Variants in CD2 observed in about 807,000 individuals in gnomAD.
CD2 encodes T-cell surface antigen CD2.
Under a neutral mutation model 23.2 loss-of-function variants are expected in CD2, and 18 were observed. The ratio of observed to expected loss-of-function variants is 0.77; its 90% CI spans 0.54 to 1.15. The LOEUF is 1.15. Among genes scored for constraint, CD2 ranks in the 50% most tolerant of loss-of-function variants. The pLI, the probability that CD2 is intolerant of heterozygous loss-of-function variation, is 0.00. For missense variants in CD2, 424 were observed against 423.1 expected, an observed-to-expected ratio of 1.00 and a Z score of -0.02; for synonymous variants, 162 against 151.9, an observed-to-expected ratio of 1.07 and a Z score of -0.49.
At chr1:116,765,717 C>T (rs909895528) in intron 4 of CD2, among the ~76,000 whole-genome samples, 2 of 152,218 alleles carry the variant, frequency 1.3e-5, no homozygotes, top group Admixed American at 6.5e-5. Context: ...TCTGGCTGTT[C>T]TCCATGCTCC....
chr1:116,767,452 G>A (rs1024386501), intron 4 of CD2, among the ~76,000 whole-genome samples: 4 of 152,034 alleles, frequency 2.6e-5, no homozygotes, highest in Non-Finnish European at 2.9e-5. Flanking sequence ...TTAGCCGGGC[G>A]TGGTGGTGAA....
chr1:116,760,330 C>A, intron 2 of CD2, 72 bp from the exon 3 acceptor site: 1 of 1,182,746 alleles, frequency 8.5e-7, no homozygotes, highest in Non-Finnish European at 1.2e-6. Context: ...CCATCCCCCA[C>A]TGTATAAATA....
In CD2 at chr1:116,769,189, A is replaced by G. The variant is rs190541524; in HGVS notation, c.*406A>G. 192 of 162,008 alleles carry G rather than the reference A, an allele frequency of 1.2e-3. 1 individual carries two copies. The highest frequency in any genetic ancestry group is 1.5e-3 in the Non-Finnish European group (109 of 74,690). 10.0% of individuals were successfully genotyped at this position (162,008 alleles called of 1,614,324 possible). On this transcript the variant is annotated 3_prime_UTR_variant, in exon 5 of 5. Coordinates refer to ENST00000369478, the MANE Select transcript of CD2 (RefSeq NM_001767.5). ...TATGTGCCCTGGTGGACACTTGCCCACCATCCTGTGAGTAAAAGTGAAATA... is the reference window on the plus strand; with the variant it reads ...TATGTGCCCTGGTGGACACTTGCCCGCCATCCTGTGAGTAAAAGTGAAATA...
intron 3 of CD2, 99 bp downstream of exon 3, chr1:116,760,731 C>A: frequency 1.1e-6 from 1 of 887,618 alleles, no homozygotes; most frequent in Non-Finnish European, 1.8e-6. Context: ...GGGAGGCAGC[C>A]CTGGCTCAGG....
At chr1:116,755,828 T>C (rs1458333249) in intron 2 of CD2, among the ~76,000 whole-genome samples, 3 of 151,872 alleles carry the variant, frequency 2.0e-5, no homozygotes, top group Non-Finnish European at 2.9e-5. Flanking sequence ...GAAAGTGGAA[T>C]CGAAATGCCA....
intron 3 of CD2, among the ~76,000 whole-genome samples, chr1:116,763,313 G>A (rs1304289694): frequency 3.9e-5 from 6 of 152,186 alleles, no homozygotes; most frequent in Non-Finnish European, 7.3e-5. Context: ...TCTCCTTGGG[G>A]CCCATCCTGG....
chr1:116,760,646 A>C lies in CD2; in HGVS notation c.613+14A>C, dbSNP rs758796699. The C allele has an allele frequency of 1.5e-5, 24 of 1,602,800 alleles. No homozygotes were observed. In the Admixed American group the frequency reaches 2.5e-4, roughly 17 times the overall value. ...TCAGCTGTCCAGGTGCGTGGCGGGC[A>C]TCACTTCACAAACACAGCCTGCCAG... is the stretch of plus-strand genomic sequence containing the variant. On this transcript the variant is annotated intron_variant, in intron 3 of 4. Transcript: ENST00000369478.
At chr1:116,757,127 G>T (rs1651880899) in intron 2 of CD2, among the ~76,000 whole-genome samples, 1 of 151,842 alleles carries the variant, frequency 6.6e-6, no homozygotes, top group African/African-American at 2.4e-5. Flanking sequence ...CTCCCAAGTA[G>T]CTGGGATTAC....
chr1:116,754,557 A>C lies in CD2; in HGVS notation c.61+4A>C. 1 of 1,613,168 alleles carries C rather than the reference A, an allele frequency of 6.2e-7. No homozygotes were observed. The highest frequency in any genetic ancestry group is 1.1e-5 in the South Asian group (1 of 90,828). On this transcript the variant is annotated splice_donor_region_variant and intron_variant, in intron 1 of 4. Coordinates refer to ENST00000369478, the MANE Select transcript of CD2 (RefSeq NM_001767.5). ...ATTTTCAATGTTTCTTCCAAAGGTA[A>C]GCATAAGAGTCAAAGAAGTCCCAAC...
chr1:116,768,327 G>T lies in CD2; in HGVS notation c.737-137G>T, dbSNP rs966968810. The T allele has an allele frequency of 1.3e-5, 10 of 750,676 alleles. No individual in the cohort carries two copies. The Admixed American group carries it at 2.0e-4, about 15-fold the overall frequency. 46.5% of individuals were successfully genotyped at this position (750,676 alleles called of 1,614,324 possible). A position where few individuals can be genotyped will look rare whatever the true frequency, so the allele number is the denominator to read the frequency against. ...CTCTCCTACAAGCTTAGAGTTCTCA[G>T]ATAGTAGGGGCAACTTCTGCTTCCT... On this transcript the variant is annotated intron_variant, in intron 4 of 4. Coordinates refer to ENST00000369478, the MANE Select transcript of CD2 (RefSeq NM_001767.5).
In CD2 at chr1:116,769,090, C is replaced by A. The variant is rs527492384; in HGVS notation, c.*307C>A. On this transcript the variant is annotated 3_prime_UTR_variant, in exon 5 of 5. Transcript: ENST00000369478. ...TCCCCTCTCAGGTCATGTGTAGATG[C>A]GATAAATCAAGTGATTGGTGTGCCT... 3.1e-5 allele frequency: 9 copies of A among 293,186 alleles called. No homozygotes were observed. In the East Asian group the frequency reaches 6.1e-4, roughly 20 times the overall value. 18.2% of individuals were successfully genotyped at this position (293,186 alleles called of 1,614,324 possible).
intron 2 of CD2, among the ~76,000 whole-genome samples, chr1:116,759,153 ACT>A (rs1157011570): frequency 3.3e-5 from 5 of 152,276 alleles, no homozygotes; most frequent in African/African-American, 1.2e-4. Context: ...CTATGTACTA[ACT>A]CTGTTGCTGA....
chr1:116,754,797 G>A lies in CD2; in HGVS notation c.228G>A (p.Glu76=). 6.2e-7 allele frequency: 1 copy of A among 1,613,124 alleles called. No homozygotes were observed. The highest frequency in any genetic ancestry group is 8.5e-7 in the Non-Finnish European group (1 of 1,179,714). The change falls in exon 2 of 5, where the codon GAG becomes GAA. Residue 76 remains glutamate (E), a synonymous_variant. Transcript: ENST00000369478. ...TTGCACAATTCAGAAAAGAGAAAGAGACTTTCAAGGAAAAAGATACATATA... is the reference window on the plus strand; with the variant it reads ...TTGCACAATTCAGAAAAGAGAAAGAAACTTTCAAGGAAAAAGATACATATA... ...KKIAQFRKEK[E]TFKEKDTYKL...
intron 3 of CD2, among the ~76,000 whole-genome samples, chr1:116,764,115 C>G (rs1571242888): frequency 6.6e-6 from 1 of 151,948 alleles, no homozygotes; most frequent in Non-Finnish European, 1.5e-5. Context: ...AACTCATTCT[C>G]CCTCTCAGGG....
chr1:116,755,109 C>T, intron 2 of CD2, 158 bp downstream of exon 2: 1 of 621,054 alleles, frequency 1.6e-6, no homozygotes, highest in Non-Finnish European at 2.9e-6. Context: ...AGACTGTGGT[C>T]CAATGCGGGA....
At chr1:116,766,569 G>A (rs910293967) in intron 4 of CD2, among the ~76,000 whole-genome samples, 1 of 152,134 alleles carries the variant, frequency 6.6e-6, no homozygotes. Flanking sequence ...ACCAAATGGT[G>A]TATGGGCCAA....
intron 3 of CD2, among the ~76,000 whole-genome samples, chr1:116,761,760 C>T (rs964702087): frequency 1.3e-5 from 2 of 152,160 alleles, no homozygotes; most frequent in African/African-American, 2.4e-5. Context: ...ACTTCACCCC[C>T]GGTTTTCCCA....
chr1:116,767,941 A>T (rs1255842687), intron 4 of CD2, among the ~76,000 whole-genome samples: 1 of 152,190 alleles, frequency 6.6e-6, no homozygotes, highest in Non-Finnish European at 1.5e-5. Flanking sequence ...CTGAGAAGCG[A>T]GTAAATTTCT....
At chr1:116,758,515 A>G (rs1275770502) in intron 2 of CD2, among the ~76,000 whole-genome samples, 1 of 152,054 alleles carries the variant, frequency 6.6e-6, no homozygotes, top group East Asian at 1.9e-4. Context: ...TGAAGTGACA[A>G]CTTTCCACAC....
Sources: allele counts gnomAD v4.1 joint callset (sites outside exome capture counted in the v4.1 genomes callset), GRCh38; gene constraint gnomAD v4.1.1; transcripts MANE v1.5; gene names NCBI Gene and HGNC (gene_info 2026-07-23, HGNC 2026-07-21).